ITGAL: variants seen among roughly 807,000 people sequenced by gnomAD.
ITGAL encodes the protein integrin alpha-L.
ITGAL carries 68 observed loss-of-function variants against 138.4 expected under a neutral mutation model. The observed-to-expected ratio is 0.49, with a 90% CI of 0.40 to 0.60. The LOEUF (loss-of-function observed/expected upper bound fraction) is 0.60, where lower values mean the gene tolerates loss of function less well. Ranked by LOEUF, ITGAL falls within the 20% of genes least tolerant of loss-of-function variation. ITGAL has a pLI of 0.00. For missense variants in ITGAL, 1,256 were observed against 1,478.6 expected (o/e 0.85, Z 2.47); for synonymous variants, 561 against 584.3 (o/e 0.96, Z 0.57).
intron 21 of ITGAL, among the ~76,000 whole-genome samples, chr16:30,507,474 A>G (rs959292769): frequency 6.6e-6 from 1 of 150,942 alleles, no homozygotes; most frequent in Non-Finnish European, 1.5e-5. Flanking sequence ...AAAACAAAAA[A>G]AAAAACAAAA....
chr16:30,516,991 A>G lies in ITGAL; in HGVS notation c.2881A>G (p.Ile961Val). Residue 961 changes from isoleucine to valine, a missense_variant, in exon 26 of 31, where the codon ATC becomes GTC. Ile to Val is a conservative substitution (Grantham distance 29). Transcript: ENST00000356798. ...GTGCCAGGTGAGGATCCAGCCTTCC[A>G]TCCACGACCACAACATACCCACCCT... ...HMYQVRIQPS[I>V]HDHNIPTLEA... 1.2e-6 allele frequency: 2 copies of G among 1,613,604 alleles called. No individual in the cohort carries two copies. Among genetic ancestry groups the G allele is most frequent in the African/African-American group, 1.3e-5 (1 of 75,038 alleles).
intron 29 of ITGAL, 137 bp from the exon 30 acceptor site, chr16:30,519,720 G>A (rs1045715116): frequency 4.3e-5 from 30 of 698,976 alleles, no homozygotes; most frequent in Non-Finnish European, 6.6e-5. Context: ...ACGTGTTAAA[G>A]GGAGAGGGTC....
chr16:30,515,964 T>A lies in ITGAL; in HGVS notation c.2863-1009T>A, dbSNP rs184176184. Among the ~76,000 whole-genome samples, 3 of 151,362 alleles carry A rather than the reference T, an allele frequency of 2.0e-5. No individual in the cohort carries two copies. In the East Asian group the frequency reaches 5.8e-4, roughly 29 times the overall value. ...TCCAGCCTGGGTGACAGAGTGATATTCTGTCTAAAAAAAAAAAAAAAATCC... is the reference window on the plus strand; with the variant it reads ...TCCAGCCTGGGTGACAGAGTGATATACTGTCTAAAAAAAAAAAAAAAATCC... On this transcript the variant is annotated intron_variant, in intron 25 of 30. Coordinates refer to ENST00000356798, the MANE Select transcript of ITGAL (RefSeq NM_002209.3).
intron 24 of ITGAL, 131 bp from the exon 25 acceptor site, chr16:30,513,640 C>A: frequency 1.5e-6 from 1 of 673,668 alleles, no homozygotes. Flanking sequence ...TGGGAAAGAG[C>A]AGGTTGTGGT....
chr16:30,484,110 C>A lies in ITGAL; in HGVS notation c.856-3C>A. The A allele has an allele frequency of 6.2e-7, 1 of 1,613,132 alleles. No homozygotes were observed. ...CAGCTCTTCACTCTCCACTCCCTCA[C>A]AGATTGGAAAGCATTTTCAGACCAA... is the stretch of plus-strand genomic sequence containing the variant. On this transcript the variant is annotated splice_region_variant and splice_polypyrimidine_tract_variant and intron_variant, in intron 8 of 30. Transcript: ENST00000356798.
intron 1 of ITGAL, among the ~76,000 whole-genome samples, chr16:30,473,391 C>T (rs755324007): frequency 2.0e-5 from 3 of 152,206 alleles, no homozygotes; most frequent in Non-Finnish European, 4.4e-5. Context: ...CAAGCTCGTG[C>T]CAATGCACTC....
intron 10 of ITGAL, 36 bp downstream of exon 10, chr16:30,489,191 T>C (rs753015458): frequency 1.2e-6 from 2 of 1,613,520 alleles, no homozygotes; most frequent in Admixed American, 3.3e-5. Context: ...CTGCAGGGAG[T>C]GCAGTTGGCT....
chr16:30,508,258 G>A (rs1337151971), intron 21 of ITGAL, among the ~76,000 whole-genome samples: 3 of 138,328 alleles, frequency 2.2e-5, no homozygotes, highest in Non-Finnish European at 4.6e-5. Flanking sequence ...TTGTCCCCCA[G>A]GCTAAAGTGC....
intron 1 of ITGAL, 105 bp downstream of exon 1, chr16:30,473,003 A>G (rs2050415987): frequency 9.2e-7 from 1 of 1,092,172 alleles, no homozygotes; most frequent in Non-Finnish European, 1.4e-6. Flanking sequence ...TAAAAGTGGG[A>G]TTGGCCTTAG....
chr16:30,491,431 T>A (rs1386407471), intron 11 of ITGAL, among the ~76,000 whole-genome samples: 4 of 151,718 alleles, frequency 2.6e-5, no homozygotes, highest in Non-Finnish European at 5.9e-5. Flanking sequence ...AAAAGTTTAA[T>A]CTCTAGTTAG....
At chr16:30,497,837 C>T (rs557332253) in intron 15 of ITGAL, among the ~76,000 whole-genome samples, 5 of 151,062 alleles carry the variant, frequency 3.3e-5, no homozygotes, top group Non-Finnish European at 7.4e-5. Context: ...GGCCCAGCTA[C>T]TTGGGAGGCT....
intron 21 of ITGAL, among the ~76,000 whole-genome samples, chr16:30,510,071 G>A (rs937235334): frequency 1.3e-5 from 2 of 151,896 alleles, no homozygotes; most frequent in African/African-American, 2.4e-5. Flanking sequence ...TAATAGAGAT[G>A]GGGTCTCACT....
At chr16:30,506,282 G>A (rs1450556123) in intron 20 of ITGAL, among the ~76,000 whole-genome samples, 4 of 133,854 alleles carry the variant, frequency 3.0e-5, no homozygotes, top group Admixed American at 1.5e-4. Context: ...AAAAAAAGCC[G>A]GGGGCGGTGG....
At position 30,499,172 on chromosome 16, in the gene ITGAL, T is replaced by C; in HGVS notation, c.1931T>C (p.Met644Thr). ...VECSYSTSNKMKEGVNITICF... is the reference protein window; with the variant it reads ...VECSYSTSNKTKEGVNITICF... Reference sequence around the variant, plus strand: ...TGCTCCTATTCAACCAGTAACAAGATGAAAGAAGGAGTTAATATCACAATC... The same window carrying C: ...TGCTCCTATTCAACCAGTAACAAGACGAAAGAAGGAGTTAATATCACAATC... The change falls in exon 16 of 31, where the codon ATG becomes ACG. Residue 644 changes from methionine (M) to threonine (T), a missense_variant. Coordinates refer to ENST00000356798, the MANE Select transcript of ITGAL (RefSeq NM_002209.3). 6.2e-7 allele frequency: 1 copy of C among 1,613,958 alleles called. No homozygotes were observed. Among genetic ancestry groups the C allele is most frequent in the Non-Finnish European group, 8.5e-7 (1 of 1,179,960 alleles).
At position 30,504,210 on chromosome 16, in the gene ITGAL, T is replaced by G; in HGVS notation, c.2181T>G (p.Val727=). ...CVQDLISPIN[V]SLNFSLWEEE... is the part of the protein sequence containing the mutation. ...AAGACCTCATCTCCCCCATCAATGT[T>G]TCCCTGAATTTCTCTCTTTGGGAGG... The change falls in exon 18 of 31, where the codon GTT becomes GTG. Residue 727 remains valine (V), a synonymous_variant. Transcript: ENST00000356798. 6.2e-7 allele frequency: 1 copy of G among 1,613,766 alleles called. No homozygotes were observed.
chr16:30,493,765 G>A (rs1246716791), intron 11 of ITGAL, among the ~76,000 whole-genome samples: 6 of 152,200 alleles, frequency 3.9e-5, no homozygotes, highest in South Asian at 2.1e-4. Flanking sequence ...GTGGCTGGGC[G>A]CCTGTAATCC....
At chr16:30,519,769 A>G (rs898337663) in intron 29 of ITGAL, 88 bp from the exon 30 acceptor site, 6 of 832,824 alleles carry the variant, frequency 7.2e-6, no homozygotes, top group Non-Finnish European at 1.3e-5. Context: ...CAGTCCGGAT[A>G]GGAGGAGATG....
At chr16:30,495,610 G>A (rs888077674) in intron 13 of ITGAL, among the ~76,000 whole-genome samples, 2 of 152,080 alleles carry the variant, frequency 1.3e-5, no homozygotes, top group South Asian at 2.1e-4. Flanking sequence ...CAAGATGATT[G>A]CTTGAAGCCA....
chr16:30,502,258 G>C (rs1163707621), intron 17 of ITGAL, among the ~76,000 whole-genome samples: 1 of 150,874 alleles, frequency 6.6e-6, no homozygotes, highest in African/African-American at 2.4e-5. Context: ...TTAGCTGGGC[G>C]TGGTGGTGGG....
Sources: allele counts gnomAD v4.1 joint callset (sites outside exome capture counted in the v4.1 genomes callset), GRCh38; gene constraint gnomAD v4.1.1; transcripts MANE v1.5; gene names NCBI Gene and HGNC (gene_info 2026-07-23, HGNC 2026-07-21).